The following DCC variants were observed in gnomAD, a reference collection of about 807,000 sequenced individuals.
DCC encodes DCC netrin 1 receptor, also known as netrin receptor DCC.
In DCC, 58 loss-of-function variants were observed where a neutral mutation model predicts 172.5. The observed-to-expected ratio is 0.34, with a 90% confidence interval of 0.27 to 0.42. The LOEUF is 0.42. Among genes scored for constraint, DCC ranks in the 10% least tolerant of loss-of-function variants. The probability of loss-of-function intolerance (pLI) is 1.00; values close to 1 mark genes in which losing one functional copy is unlikely to be tolerated. For synonymous variants in DCC, 709 were observed against 644.5 expected, an observed-to-expected ratio of 1.10 and a Z score of -1.52; for missense variants, 1,740 against 1,791.0, an observed-to-expected ratio of 0.97 and a Z score of 0.51.
At chr18:53,083,322 T>C (rs1260023143) in intron 7 of DCC, among the ~76,000 whole-genome samples, 1 of 152,136 alleles carries the variant, frequency 6.6e-6, no homozygotes. Flanking sequence ...CTCAATTGGC[T>C]ATAAGTAAAA....
intron 1 of DCC, among the ~76,000 whole-genome samples, chr18:52,730,317 C>CACA (rs1363408908): frequency 6.6e-6 from 1 of 152,016 alleles, no homozygotes; most frequent in Non-Finnish European, 1.5e-5. Flanking sequence ...GTCAGCTCCC[C>CACA]ACAACAAAGA....
At chr18:52,710,085 C>T (rs2036270848) in intron 1 of DCC, among the ~76,000 whole-genome samples, 1 of 152,142 alleles carries the variant, frequency 6.6e-6, no homozygotes. Flanking sequence ...CACCTTGATC[C>T]AGTGTTTCTC....
chr18:52,528,257 C>T (rs917859470), intron 1 of DCC, among the ~76,000 whole-genome samples: 13 of 152,142 alleles, frequency 8.5e-5, no homozygotes, highest in African/African-American at 3.1e-4. Flanking sequence ...TGAGTTATAA[C>T]ATTCTTCAAA....
chr18:52,908,928 A>G (rs1176061143), intron 3 of DCC, among the ~76,000 whole-genome samples: 1 of 152,190 alleles, frequency 6.6e-6, no homozygotes, highest in Non-Finnish European at 1.5e-5. Flanking sequence ...GCACACACAC[A>G]CAGGTTATTG....
chr18:52,808,891 G>A (rs1379884253), intron 2 of DCC, among the ~76,000 whole-genome samples: 3 of 152,118 alleles, frequency 2.0e-5, no homozygotes, highest in Non-Finnish European at 4.4e-5. Context: ...GCTTCTCAAC[G>A]GACTTAATGA....
intron 2 of DCC, among the ~76,000 whole-genome samples, chr18:52,886,373 C>A (rs1042286277): frequency 1.3e-5 from 2 of 152,146 alleles, no homozygotes; most frequent in Non-Finnish European, 2.9e-5. Context: ...CTAGGCTCGT[C>A]CAAATTCTCT....
chr18:53,527,182 A>AAGATT (rs1568188481), intron 28 of DCC, among the ~76,000 whole-genome samples: 1 of 147,336 alleles, frequency 6.8e-6, no homozygotes, highest in East Asian at 2.0e-4. Flanking sequence ...GGAAATAAAT[A>AAGATT]AGACTATATA....
At chr18:53,051,499 A>G (rs1054493892) in intron 5 of DCC, among the ~76,000 whole-genome samples, 1 of 152,066 alleles carries the variant, frequency 6.6e-6, no homozygotes, top group African/African-American at 2.4e-5. Context: ...TTTTACTACA[A>G]TGCCTAACTG....
chr18:52,478,720 G>A (rs1337055722), intron 1 of DCC, among the ~76,000 whole-genome samples: 1 of 152,080 alleles, frequency 6.6e-6, no homozygotes, highest in Non-Finnish European at 1.5e-5. Flanking sequence ...GATCATCAGG[G>A]GAGATGTCAC....
At chr18:52,861,303 G>T (rs1727508118) in intron 2 of DCC, among the ~76,000 whole-genome samples, 1 of 152,094 alleles carries the variant, frequency 6.6e-6, no homozygotes, top group Non-Finnish European at 1.5e-5. Flanking sequence ...GCTTTTTATT[G>T]GCTCTATAAA....
At chr18:53,512,509 C>T (rs1270774649) in intron 27 of DCC, among the ~76,000 whole-genome samples, 1 of 147,242 alleles carries the variant, frequency 6.8e-6, no homozygotes, top group African/African-American at 2.5e-5. Context: ...GATCAAATTA[C>T]TCTGAGCTAC....
chr18:52,986,792 TAC>T (rs1274513136), intron 5 of DCC, among the ~76,000 whole-genome samples: 2 of 151,324 alleles, frequency 1.3e-5, no homozygotes, highest in East Asian at 1.9e-4. Flanking sequence ...TGCATATATA[TAC>T]ACACACGTGT....
chr18:52,572,816 G>A (rs914303803), intron 1 of DCC, among the ~76,000 whole-genome samples: 5 of 152,194 alleles, frequency 3.3e-5, no homozygotes, highest in Non-Finnish European at 5.9e-5. Context: ...AATTGAATGT[G>A]GAGAATAATC....
intron 2 of DCC, chr18:52,818,256 T>C (rs1212744279): frequency 6.6e-6 from 1 of 151,128 alleles, no homozygotes; most frequent in Admixed American, 6.6e-5. Context: ...GACAAAAAAT[T>C]TAAAAATTAG....
chr18:52,536,245 A>G (rs2032286190), intron 1 of DCC, among the ~76,000 whole-genome samples: 1 of 152,112 alleles, frequency 6.6e-6, no homozygotes, highest in Non-Finnish European at 1.5e-5. Context: ...AGGCTTTCCT[A>G]GAGGGGAAGT....
At chr18:53,190,878 G>C (rs541974552) in intron 9 of DCC, among the ~76,000 whole-genome samples, 1 of 152,116 alleles carries the variant, frequency 6.6e-6, no homozygotes, top group Admixed American at 6.5e-5. Flanking sequence ...CCTGGGAGGC[G>C]GAGCTTGCAG....
chr18:53,322,007 A>G (rs780063261), intron 13 of DCC, 40 bp from the exon 14 acceptor site: 2 of 1,079,032 alleles, frequency 1.9e-6, no homozygotes, highest in South Asian at 1.2e-5. Flanking sequence ...TACTTGGTGC[A>G]TAGTAACTTT....
At chr18:53,067,424 A>G (rs2042588556) in intron 7 of DCC, among the ~76,000 whole-genome samples, 1 of 152,150 alleles carries the variant, frequency 6.6e-6, no homozygotes, top group Non-Finnish European at 1.5e-5. Context: ...TGGGAGGCTG[A>G]AGCAGAACAA....
At chr18:53,433,839 G>A (rs1911781378) in intron 21 of DCC, among the ~76,000 whole-genome samples, 1 of 152,120 alleles carries the variant, frequency 6.6e-6, no homozygotes, top group South Asian at 2.1e-4. Context: ...CACAGTCATT[G>A]TCCCAGCAGA....
Sources: gnomAD v4.1 joint callset for allele counts (sites outside exome capture counted in the v4.1 genomes callset) on GRCh38, gnomAD v4.1.1 for gene constraint, MANE v1.5 for transcripts, NCBI Gene and HGNC (gene_info 2026-07-23, HGNC 2026-07-21) for gene names.